The following SLC12A7 variants were observed in gnomAD, a reference collection of about 807,000 sequenced individuals.
SLC12A7 encodes the protein solute carrier family 12 member 7, also known as K-Cl cotransporter 4.
SLC12A7 carries 100 observed loss-of-function variants against 120.6 expected under a neutral mutation model. The observed-to-expected ratio is 0.83, with a 90% CI of 0.71 to 0.98. The LOEUF is 0.98. SLC12A7 is among the 50% of genes least tolerant of loss of function. The pLI, the probability that SLC12A7 is intolerant of heterozygous loss-of-function variation, is 0.00. For synonymous variants in SLC12A7, 760 were observed against 678.0 expected (o/e 1.12, Z -1.88); for missense variants, 1,373 against 1,548.1 (o/e 0.89, Z 1.90).
intron 15 of SLC12A7, 158 bp from the exon 16 acceptor site, chr5:1,074,829 T>C (rs1579359141): frequency 3.0e-6 from 2 of 674,746 alleles, no homozygotes; most frequent in South Asian, 1.9e-5. Context: ...ACCCTTGCCC[T>C]GAAGGGAGCC....
intron 14 of SLC12A7, 57 bp from the exon 15 acceptor site, chr5:1,075,547 A>C: frequency 3.2e-6 from 5 of 1,570,046 alleles, no homozygotes; most frequent in Non-Finnish European, 4.3e-6. Context: ...CCCACACCTC[A>C]GCCACCACCA....
chr5:1,063,097 TGGGGGCC>T (rs1446879569), intron 20 of SLC12A7: 1 of 152,256 alleles, frequency 6.6e-6, no homozygotes, highest in African/African-American at 2.4e-5. Context: ...GCTCCATGCT[TGGGGGCC>T]GGGGGCAAGC....
intron 13 of SLC12A7, 80 bp downstream of exon 13, chr5:1,076,614 G>A (rs1738374861): frequency 9.6e-7 from 1 of 1,046,944 alleles, no homozygotes; most frequent in Non-Finnish European, 1.4e-6. Context: ...TGCTTGTCCT[G>A]AGCAGGACCT....
chr5:1,146,146 C>T, the SLC12A7 span, among the ~76,000 whole-genome samples: 40 of 152,202 alleles, frequency 2.6e-4, no homozygotes, highest in African/African-American at 8.9e-4. This position sits in a 1 kb window ranked among gnomAD's most constrained non-coding sequence, Gnocchi z 6.5. Flanking sequence ...CATCCCTCCT[C>T]ATTCCCAAAG....
chr5:1,067,465 C>T lies in SLC12A7; in HGVS notation c.2242-1987G>A, dbSNP rs142279798. On this transcript the variant is annotated intron_variant, in intron 17 of 23. Coordinates refer to ENST00000264930, the MANE Select transcript of SLC12A7 (RefSeq NM_006598.3). ...TTTATGCGGCTGCTTCTCATCCCCA[C>T]GAGACCCCTCTGCAGGGCAATTCAG... Among the ~76,000 whole-genome samples, 23 of 152,374 alleles carry T rather than the reference C, an allele frequency of 1.5e-4. No individual in the cohort carries two copies. The East Asian group carries it at 1.7e-3, about 12-fold the overall frequency.
chr5:1,081,741 T>G lies in SLC12A7; in HGVS notation c.1133A>C (p.Asn378Thr), dbSNP rs1044232053. ...PGAASGVFLE[N>T]LWSTYAHAGA... is the part of the protein sequence containing the mutation. ...CGCGTGCGCGTACGTACTCCACAGG[T>G]TCTCTGCCGGGCAAGGAAGATCCCA... Residue 378 changes from asparagine (N) to threonine (T), a missense_variant, in exon 9 of 24, where the codon AAC (asparagine) becomes ACC (threonine). Physicochemically the swap from Asn to Thr is moderately conservative, Grantham distance 65. Coordinates refer to ENST00000264930, the MANE Select transcript of SLC12A7 (RefSeq NM_006598.3). 6.2e-7 allele frequency: 1 copy of G among 1,610,764 alleles called. No homozygotes were observed. Among genetic ancestry groups the G allele is most frequent in the African/African-American group, 1.3e-5 (1 of 75,026 alleles).
intron 21 of SLC12A7, among the ~76,000 whole-genome samples, chr5:1,058,711 C>G (rs1439053798): frequency 3.3e-5 from 5 of 152,216 alleles, no homozygotes; most frequent in African/African-American, 9.7e-5. Context: ...GACAGTGGGC[C>G]CCAGGCCTCT....
intron 1 of SLC12A7, among the ~76,000 whole-genome samples, chr5:1,095,015 G>GCA (rs1159665131): frequency 3.0e-5 from 4 of 133,868 alleles, no homozygotes; most frequent in East Asian, 4.3e-4. Context: ...TCGGTAGGAG[G>GCA]TGGGGGCGGT....
intron 12 of SLC12A7, 24 bp downstream of exon 12, chr5:1,077,806 TCCC>T (rs906615769): frequency 1.9e-6 from 3 of 1,540,616 alleles, no homozygotes; most frequent in Non-Finnish European, 2.6e-6. Context: ...CCTTCCAGGG[TCCC>T]CCCGACGAGG....
chr5:1,102,386 A>T (rs368188255), intron 1 of SLC12A7, among the ~76,000 whole-genome samples: 4 of 152,252 alleles, frequency 2.6e-5, no homozygotes, highest in African/African-American at 9.6e-5. Flanking sequence ...ATCTCCAGGC[A>T]CAACCTCCTC....
intron 9 of SLC12A7, 63 bp from the exon 10 acceptor site, chr5:1,079,559 C>G: frequency 7.3e-7 from 1 of 1,360,588 alleles, no homozygotes; most frequent in Non-Finnish European, 1.1e-6. Context: ...GATGGCAGCC[C>G]CTGCCCAGAA....
chr5:1,102,875 C>T (rs1365980306), intron 1 of SLC12A7, among the ~76,000 whole-genome samples: 1 of 152,142 alleles, frequency 6.6e-6, no homozygotes, highest in Non-Finnish European at 1.5e-5. Flanking sequence ...CAGGAGCACC[C>T]CCCACCCAAC....
intron 4 of SLC12A7, among the ~76,000 whole-genome samples, chr5:1,088,760 C>A (rs922628867): frequency 2.6e-5 from 4 of 152,252 alleles, no homozygotes; most frequent in African/African-American, 9.6e-5. Context: ...CCAGCACTAA[C>A]CCCGGACAGT....
intron 20 of SLC12A7, among the ~76,000 whole-genome samples, chr5:1,061,130 G>A (rs1469979741): frequency 8.0e-5 from 3 of 37,694 alleles, no homozygotes; most frequent in African/African-American, 1.3e-4. Flanking sequence ...CGCCGTGCGG[G>A]ACCCCTGCGT....
At chr5:1,075,958 G>A (rs1738280668) in intron 14 of SLC12A7, 180 bp downstream of exon 14, 12 of 588,962 alleles carry the variant, frequency 2.0e-5, no homozygotes, top group Admixed American at 3.1e-5. Context: ...GGCTTACTCC[G>A]CAAAGGAACA....
intron 12 of SLC12A7, among the ~76,000 whole-genome samples, chr5:1,077,434 C>T (rs1738486211): frequency 6.6e-6 from 1 of 152,214 alleles, no homozygotes; most frequent in Admixed American, 6.5e-5. Context: ...ATCCTCAGAG[C>T]AGCCACACAC....
intron 22 of SLC12A7, among the ~76,000 whole-genome samples, chr5:1,056,223 C>T (rs1021605445): frequency 6.6e-6 from 1 of 152,224 alleles, no homozygotes; most frequent in Non-Finnish European, 1.5e-5. Flanking sequence ...TCAGCTAGCG[C>T]CTGACCCAGA....
chr5:1,115,844 G>A (rs1232745592), upstream of SLC12A7, among the ~76,000 whole-genome samples: 1 of 149,772 alleles, frequency 6.7e-6, no homozygotes, highest in African/African-American at 2.5e-5. Context: ...GAGAATCGGG[G>A]GAAGGGGGAG....
the SLC12A7 span, among the ~76,000 whole-genome samples, chr5:1,122,071 C>G: frequency 2.1e-4 from 32 of 152,282 alleles, no homozygotes; most frequent in South Asian, 5.0e-3. Context: ...CCTTGTGCCC[C>G]GGGCCCACGG....
Sources: gnomAD v4.1 joint callset for allele counts (sites outside exome capture counted in the v4.1 genomes callset) on GRCh38, gnomAD v4.1.1 for gene constraint, Gnocchi (gnomAD v3.1) non-coding constraint, MANE v1.5 for transcripts, NCBI Gene and HGNC (gene_info 2026-07-23, HGNC 2026-07-21) for gene names.